VRK2: variants seen among roughly 807,000 people sequenced by gnomAD.
VRK2 encodes the protein serine/threonine-protein kinase VRK2.
VRK2 carries 60 observed loss-of-function variants against 57.6 expected under a neutral mutation model. That is an observed-to-expected ratio of 1.04 (90% CI 0.85 to 1.29). The LOEUF is 1.29. Among genes scored for constraint, VRK2 ranks in the 50% most tolerant of loss-of-function variants. VRK2 has a pLI of 0.00. For synonymous variants in VRK2, 231 were observed against 199.2 expected (o/e 1.16, Z -1.35); for missense variants, 705 against 588.1 (o/e 1.20, Z -2.06).
intron 7 of VRK2, among the ~76,000 whole-genome samples, chr2:58,119,906 A>AGTC (rs1677161959): frequency 6.6e-6 from 1 of 151,872 alleles, no homozygotes; most frequent in African/African-American, 2.4e-5. Flanking sequence ...TTGCTAAAGG[A>AGTC]GTCTCAACTC....
chr2:58,131,736 C>G, intron 8 of VRK2, 72 bp from the exon 9 acceptor site: 1 of 1,476,794 alleles, frequency 6.8e-7, no homozygotes, highest in Middle Eastern at 1.8e-4. Context: ...AGTAGTAGTT[C>G]AACCAAAGAT....
At chr2:58,137,172 T>TGATA (rs796482520) in intron 10 of VRK2, among the ~76,000 whole-genome samples, 2 of 622 alleles carry the variant, frequency 3.2e-3, no homozygotes, top group Non-Finnish European at 4.9e-3. Flanking sequence ...ATATCATATA[T>TGATA]CATATATATC....
Position 58,085,930 on chromosome 2 carries a change from C to CTT in VRK2, c.257-394_257-393dup, listed in dbSNP as rs59333442. ...TCTGCCCAATTTCTGCTTTTTTTTT[C>CTT]TTTTTTTTTTTTTTTTGGTCCATTA... On this transcript the variant is annotated intron_variant, in intron 4 of 12. Coordinates refer to ENST00000340157, the MANE Select transcript of VRK2 (RefSeq NM_006296.7). Among the ~76,000 whole-genome samples, 190 of 116,896 alleles carry CTT rather than the reference C, an allele frequency of 1.6e-3. 1 individual carries two copies. The highest frequency in any genetic ancestry group is 0.012 in the South Asian group (40 of 3,434). 76.7% of individuals were successfully genotyped at this position (116,896 alleles called of 152,430 possible). A position where few individuals can be genotyped will look rare whatever the true frequency, so the allele number is the denominator to read the frequency against.
chr2:58,159,369 G>T lies in VRK2; in HGVS notation c.1203G>T (p.Gln401His). Residue 401 changes from glutamine (Q) to histidine (H), a missense_variant, in exon 13 of 13, where the codon CAG (glutamine) becomes CAT (histidine). Physicochemically the swap from Gln to His is conservative, Grantham distance 24 (BLOSUM62 0). Transcript: ENST00000340157. Reference protein sequence around the residue: ...EAAQESTRRRQKYQESQEPLN... With the variant: ...EAAQESTRRRHKYQESQEPLN... ...CATAGGAAAGCACAAGGAGAAGACA[G>T]AAATATCAAGAGTCTCAAGAACCTT... is the stretch of plus-strand genomic sequence containing the variant. The T allele has an allele frequency of 6.2e-7, 1 of 1,608,204 alleles. No individual in the cohort carries two copies. The highest frequency in any genetic ancestry group is 8.5e-7 in the Non-Finnish European group (1 of 1,177,912).
In VRK2 at chr2:58,078,505, A is replaced by G. The variant is rs910345219; in HGVS notation, c.137-5584A>G. ...AGGATCTTACTTTTAATTATTTTCA[A>G]TACATACCCAGAAATGGGATTGCTA... is the stretch of plus-strand genomic sequence containing the variant. On this transcript the variant is annotated intron_variant, in intron 2 of 12. Coordinates refer to ENST00000340157, the MANE Select transcript of VRK2 (RefSeq NM_006296.7). Among the ~76,000 whole-genome samples the G allele has an allele frequency of 1.1e-4, 16 of 152,122 alleles. No homozygotes were observed. In the South Asian group the frequency reaches 1.7e-3, roughly 16 times the overall value.
chr2:58,152,485 A>T (rs1293538962), intron 12 of VRK2, among the ~76,000 whole-genome samples: 2 of 152,006 alleles, frequency 1.3e-5, no homozygotes, highest in East Asian at 3.9e-4. Flanking sequence ...TTTTCATTTT[A>T]AAAAAATTAA....
At chr2:58,149,920 C>CT (rs947979117) in intron 12 of VRK2, among the ~76,000 whole-genome samples, 3 of 150,432 alleles carry the variant, frequency 2.0e-5, no homozygotes, top group African/African-American at 7.3e-5. Context: ...TCAATTCCTG[C>CT]TGAATTTCAG....
upstream of VRK2, among the ~76,000 whole-genome samples, chr2:58,042,548 A>G (rs886898877): frequency 1.3e-5 from 2 of 152,202 alleles, no homozygotes; most frequent in Admixed American, 1.3e-4. Context: ...TGTTTTGTCT[A>G]TGCATCATCT....
intron 7 of VRK2, among the ~76,000 whole-genome samples, chr2:58,102,974 T>A (rs1674217305): frequency 6.6e-6 from 1 of 151,664 alleles, no homozygotes; most frequent in African/African-American, 2.4e-5. Context: ...AACAACACAT[T>A]CCTCGCTGAT....
intron 1 of VRK2, among the ~76,000 whole-genome samples, chr2:57,938,749 A>T (rs1670999156): frequency 1.3e-5 from 2 of 152,102 alleles, no homozygotes; most frequent in South Asian, 4.1e-4. Context: ...TATCTAGTCA[A>T]TGGAGACAAG....
intron 8 of VRK2, among the ~76,000 whole-genome samples, chr2:58,124,187 A>G (rs1677956814): frequency 6.6e-6 from 1 of 152,214 alleles, no homozygotes; most frequent in African/African-American, 2.4e-5. Context: ...TTTACCATTA[A>G]TTAAACCTTA....
At chr2:58,065,710 A>G (rs1211313427) in intron 2 of VRK2, among the ~76,000 whole-genome samples, 1 of 152,132 alleles carries the variant, frequency 6.6e-6, no homozygotes, top group South Asian at 2.1e-4. Context: ...TAACATTTCT[A>G]CTATGTAAAG....
chr2:58,048,752 T>C, intron 1 of VRK2, 75 bp from the exon 2 acceptor site: 1 of 1,554,722 alleles, frequency 6.4e-7, no homozygotes, highest in Non-Finnish European at 8.7e-7. Context: ...TGAAGACATT[T>C]TGGGAAGTGT....
chr2:57,956,689 G>C (rs899286655), intron 1 of VRK2, among the ~76,000 whole-genome samples: 1 of 152,118 alleles, frequency 6.6e-6, no homozygotes, highest in East Asian at 1.9e-4. Context: ...CAAAAGCATG[G>C]ATTATTTATG....
chr2:58,116,795 G>A lies in VRK2; in HGVS notation c.544-6306G>A, dbSNP rs183539842. ...ACAGTCCGATTTCCCATGGGGTCCC[G>A]CACAGATGGGACACGGCTTAGGAGG... On this transcript the variant is annotated intron_variant, in intron 7 of 12. Coordinates refer to ENST00000340157, the MANE Select transcript of VRK2 (RefSeq NM_006296.7). 8.7e-3 allele frequency among the ~76,000 whole-genome samples: 1,323 copies of A among 152,296 alleles called. 14 individuals are homozygous for A. Among genetic ancestry groups the A allele is most frequent in the Non-Finnish European group, 0.013 (910 of 68,024 alleles).
At chr2:57,914,187 A>C (rs574904109) in intron 1 of VRK2, among the ~76,000 whole-genome samples, 1 of 152,004 alleles carries the variant, frequency 6.6e-6, no homozygotes, top group African/African-American at 2.4e-5. Context: ...TCTAATAAAC[A>C]TGAGGCTCTG....
At chr2:58,035,305 AT>A (rs1211334879) in intron 3 of VRK2, among the ~76,000 whole-genome samples, 9 of 152,042 alleles carry the variant, frequency 5.9e-5, no homozygotes, top group Non-Finnish European at 1.3e-4. Context: ...ACCTGCTCTT[AT>A]CATTACATTA....
chr2:58,103,145 T>C (rs1326209148), intron 7 of VRK2, among the ~76,000 whole-genome samples: 2 of 150,916 alleles, frequency 1.3e-5, no homozygotes, highest in Non-Finnish European at 3.0e-5. Context: ...AATCACAAAT[T>C]AACCAAACAT....
intron 1 of VRK2, among the ~76,000 whole-genome samples, chr2:57,950,982 C>G (rs1195050152): frequency 6.6e-6 from 1 of 152,082 alleles, no homozygotes; most frequent in Non-Finnish European, 1.5e-5. Context: ...GTCCCAGCTA[C>G]TCAGGAGGCT....
Sources: gnomAD v4.1 joint callset for allele counts (sites outside exome capture counted in the v4.1 genomes callset) on GRCh38, gnomAD v4.1.1 for gene constraint, MANE v1.5 for transcripts, NCBI Gene and HGNC (gene_info 2026-07-23, HGNC 2026-07-21) for gene names.